RRAGD: variants seen among roughly 807,000 people sequenced by gnomAD.
RRAGD encodes ras-related GTP-binding protein D.
RRAGD carries 12 observed loss-of-function variants against 35.5 expected under a neutral mutation model. That is an observed-to-expected ratio of 0.34 (90% CI 0.22 to 0.55). The LOEUF (loss-of-function observed/expected upper bound fraction) is 0.55, where lower values mean the gene tolerates loss of function less well. RRAGD is among the 20% of genes least tolerant of loss of function. The probability of loss-of-function intolerance (pLI) is 0.91; values close to 1 mark genes in which losing one functional copy is unlikely to be tolerated. For missense variants in RRAGD, 324 were observed against 490.1 expected (o/e 0.66, Z 3.20); for synonymous variants, 155 against 178.9 (o/e 0.87, Z 1.07).
intron 1 of RRAGD, among the ~76,000 whole-genome samples, chr6:89,392,199 C>T (rs759030041): frequency 2.0e-5 from 3 of 152,030 alleles, no homozygotes; most frequent in Non-Finnish European, 2.9e-5. Context: ...AGGAGCTGGG[C>T]ACAGTGGCTC....
At chr6:89,387,258 G>A (rs781075656) in intron 2 of RRAGD, 37 bp downstream of exon 2, 35 of 1,591,932 alleles carry the variant, frequency 2.2e-5, no homozygotes, top group Middle Eastern at 1.7e-4. Flanking sequence ...GGAGGGGACC[G>A]GCCAGGCCAT....
At chr6:89,396,486 C>T (rs1005230029) in intron 1 of RRAGD, among the ~76,000 whole-genome samples, 3 of 151,646 alleles carry the variant, frequency 2.0e-5, no homozygotes, top group East Asian at 2.0e-4. Flanking sequence ...AGTGCAGTGG[C>T]GCAATCAGAG....
At chr6:89,379,005 C>T (rs759757092) in intron 4 of RRAGD, among the ~76,000 whole-genome samples, 10 of 152,334 alleles carry the variant, frequency 6.6e-5, no homozygotes, top group South Asian at 2.1e-4. Context: ...CTCAAGCCAT[C>T]GTAACGCCTC....
intron 2 of RRAGD, among the ~76,000 whole-genome samples, chr6:89,382,875 C>CA (rs972189911): frequency 4.0e-5 from 6 of 148,174 alleles, no homozygotes; most frequent in East Asian, 1.9e-4. Context: ...GACTCCATCT[C>CA]AAAAAAAATA....
In RRAGD at chr6:89,395,560, C is replaced by T. The variant is rs558979114; in HGVS notation, c.149-7970G>A. Among the ~76,000 whole-genome samples the T allele has an allele frequency of 2.6e-5, 4 of 152,270 alleles. No homozygotes were observed. In the South Asian group the frequency reaches 8.3e-4, roughly 32 times the overall value. On this transcript the variant is annotated intron_variant, in intron 1 of 6. Transcript: ENST00000369415. ...AAGTTCACTGAAAACCTTTGATATT[C>T]CCTTTCACTTTATTTGCCAAACACA...
At chr6:89,390,840 G>A (rs1769219710) in intron 1 of RRAGD, among the ~76,000 whole-genome samples, 1 of 152,160 alleles carries the variant, frequency 6.6e-6, no homozygotes, top group Non-Finnish European at 1.5e-5. Flanking sequence ...AGCAGTTGCA[G>A]TGAACTGAGA....
intron 2 of RRAGD, among the ~76,000 whole-genome samples, chr6:89,382,884 TAAA>T (rs60288774): frequency 6.2e-5 from 9 of 145,980 alleles, no homozygotes; most frequent in African/African-American, 2.3e-4. Flanking sequence ...TCAAAAAAAA[TAAA>T]AAAAAAAATT....
Position 89,380,329 on chromosome 6 carries a change from C to T in RRAGD, c.483G>A (p.Thr161=), listed in dbSNP as rs146082933. 4.7e-5 allele frequency: 76 copies of T among 1,614,196 alleles called. No individual in the cohort carries two copies. In the African/African-American group the frequency reaches 4.8e-4, roughly 10 times the overall value. The change falls in exon 3 of 7, where the codon ACG becomes ACA. Residue 161 remains threonine (T), a synonymous_variant. Transcript: ENST00000369415. ...TATTCACTTTGTAGGCCCTGGTCACCGTGAGGTGGAGCCTGGCCAGGGCTT... is the reference window on the plus strand; with the variant it reads ...TATTCACTTTGTAGGCCCTGGTCACTGTGAGGTGGAGCCTGGCCAGGGCTT... ...YMEALARLHL[T]VTRAYKVNTD... is the part of the protein sequence containing the mutation.
chr6:89,371,775 A>T (rs779374653), intron 6 of RRAGD, among the ~76,000 whole-genome samples: 2 of 152,194 alleles, frequency 1.3e-5, no homozygotes, highest in Non-Finnish European at 2.9e-5. Flanking sequence ...TCAGTAAGCT[A>T]GGGACTTCTG....
rs551616853 is a variant in RRAGD at position 89,408,634 on chromosome 6, G to A, written c.148+3212C>T. On this transcript the variant is annotated intron_variant, in intron 1 of 6. Coordinates refer to ENST00000369415, the MANE Select transcript of RRAGD (RefSeq NM_021244.5). ...ACACAGTCACTTCCTCAGACCCTAAGGGTGCGCACAGGCTGCTATGAAGGC... is the reference window on the plus strand; with the variant it reads ...ACACAGTCACTTCCTCAGACCCTAAAGGTGCGCACAGGCTGCTATGAAGGC... Among the ~76,000 whole-genome samples, 4 of 152,292 alleles carry A rather than the reference G, an allele frequency of 2.6e-5. No individual in the cohort carries two copies. The South Asian group carries it at 6.2e-4, about 24-fold the overall frequency.
chr6:89,383,041 A>G (rs959163783), intron 2 of RRAGD, among the ~76,000 whole-genome samples: 27 of 152,268 alleles, frequency 1.8e-4, no homozygotes, highest in Admixed American at 1.4e-3. Flanking sequence ...CCTGGGGCTG[A>G]GTGTTTCAGG....
intron 1 of RRAGD, among the ~76,000 whole-genome samples, chr6:89,402,857 C>T (rs994324862): frequency 6.6e-5 from 10 of 152,126 alleles, no homozygotes; most frequent in African/African-American, 2.2e-4. Flanking sequence ...TTGGCCACAG[C>T]GAAACAGCTC....
chr6:89,390,239 C>G (rs1769206630), intron 1 of RRAGD, among the ~76,000 whole-genome samples: 1 of 151,918 alleles, frequency 6.6e-6, no homozygotes, highest in African/African-American at 2.4e-5. Context: ...AGACAACATA[C>G]AGAATGGGAG....
intron 1 of RRAGD, among the ~76,000 whole-genome samples, chr6:89,389,359 C>T (rs529835003): frequency 5.3e-5 from 8 of 152,022 alleles, no homozygotes; most frequent in African/African-American, 1.7e-4. Context: ...ATCAAGACCA[C>T]CCTGGCTAAC....
At chr6:89,399,767 A>ATTTTTTTT (rs71556518) in intron 1 of RRAGD, among the ~76,000 whole-genome samples, 1 of 130,788 alleles carries the variant, frequency 7.6e-6, no homozygotes, top group Non-Finnish European at 1.6e-5. Flanking sequence ...ATGCCCAGCT[A>ATTTTTTTT]TTTTTTTTTT....
Position 89,365,921 on chromosome 6 carries a change from AAT to A in RRAGD, c.*2133_*2134del. On this transcript the variant is annotated 3_prime_UTR_variant, in exon 7 of 7. Transcript: ENST00000369415. Reference sequence around the variant, plus strand: ...ATTCAAAGTGAAACAACATGTAAAAAATATTAGAGAATTAGATTTATAACAAT... The same window carrying A: ...ATTCAAAGTGAAACAACATGTAAAAAATTAGAGAATTAGATTTATAACAAT... 6.6e-6 allele frequency: 1 copy of A among 152,334 alleles called. No homozygotes were observed. The highest frequency in any genetic ancestry group is 2.1e-4 in the South Asian group (1 of 4,828). The allele number at this position is 152,334 out of a possible 1,614,324, so 9.4% of individuals were successfully genotyped here.
chr6:89,372,306 A>G, intron 6 of RRAGD, 131 bp downstream of exon 6: 1 of 1,017,268 alleles, frequency 9.8e-7, no homozygotes, highest in Non-Finnish European at 1.4e-6. Flanking sequence ...CTCCAAGCCA[A>G]GAGGGCCTGT....
intron 6 of RRAGD, among the ~76,000 whole-genome samples, chr6:89,369,140 A>T (rs993296956): frequency 7.2e-5 from 11 of 151,994 alleles, no homozygotes; most frequent in African/African-American, 2.7e-4. Flanking sequence ...CGGGGAGGGC[A>T]CCGTCTCGGT....
At chr6:89,379,957 T>C (rs1355072656) in intron 3 of RRAGD, among the ~76,000 whole-genome samples, 1 of 152,224 alleles carries the variant, frequency 6.6e-6, no homozygotes, top group African/African-American at 2.4e-5. Context: ...CTTTGACCAT[T>C]TGTTAAAAAA....
Sources: allele counts gnomAD v4.1 joint callset (sites outside exome capture counted in the v4.1 genomes callset), GRCh38; gene constraint gnomAD v4.1.1; transcripts MANE v1.5; gene names NCBI Gene and HGNC (gene_info 2026-07-23, HGNC 2026-07-21).